Variants in SP100 observed in about 807,000 individuals in gnomAD.
SP100 encodes nuclear autoantigen Sp-100.
In SP100, 84 loss-of-function variants were observed where a neutral mutation model predicts 130.0. That is an observed-to-expected ratio of 0.65 (90% CI 0.54 to 0.77). SP100 has a LOEUF of 0.77. SP100 is among the 30% of genes least tolerant of loss of function. The probability of loss-of-function intolerance (pLI) is 0.00; values close to 1 mark genes in which losing one functional copy is unlikely to be tolerated. For synonymous variants in SP100, 331 were observed against 351.7 expected (o/e 0.94, Z 0.66); for missense variants, 978 against 1,052.2 (o/e 0.93, Z 0.97).
intron 17 of SP100, among the ~76,000 whole-genome samples, chr2:230,481,181 T>G (rs1289676688): frequency 1.3e-5 from 2 of 152,154 alleles, no homozygotes; most frequent in East Asian, 3.8e-4. Context: ...TCTTTAAATT[T>G]TATCAATATG....
chr2:230,515,564 G>A lies in SP100; in HGVS notation c.2094+4398G>A, dbSNP rs80321646. 3 of 1,598,250 alleles carry A rather than the reference G, an allele frequency of 1.9e-6. No individual in the cohort carries two copies. In the African/African-American group the frequency reaches 4.0e-5, roughly 21 times the overall value. On this transcript the variant is annotated intron_variant, in intron 24 of 28. Transcript: ENST00000340126. ...AAGAGAGTTGTCAAGGCTGAAAAAA[G>A]CAAGAAAAAGAAGGAAGAGGAAGAA...
intron 19 of SP100, among the ~76,000 whole-genome samples, chr2:230,499,664 C>G (rs1348213488): frequency 2.0e-5 from 3 of 150,936 alleles, no homozygotes; most frequent in Middle Eastern, 3.4e-3. Context: ...TCCACAAGGT[C>G]TGCACCAGAC....
chr2:230,452,690 T>G (rs1283065835), intron 8 of SP100, among the ~76,000 whole-genome samples: 2 of 152,198 alleles, frequency 1.3e-5, no homozygotes, highest in African/African-American at 4.8e-5. Context: ...TTGCAGTTAT[T>G]GTAAATTGGA....
chr2:230,508,820 T>C (rs1690335617), intron 23 of SP100: 1 of 152,090 alleles, frequency 6.6e-6, no homozygotes, highest in African/African-American at 2.4e-5. Flanking sequence ...CATGACCTAA[T>C]GGAGAATTCC....
rs751146881 is a variant in SP100 at position 230,417,586 on chromosome 2, T to A, written c.33-5T>A. On this transcript the variant is annotated splice_polypyrimidine_tract_variant and splice_region_variant and intron_variant, in intron 1 of 28. Transcript: ENST00000340126. ...TTACTTGGTCCTGCCAAATTGTCTT[T>A]CTAGGAGGCTGAATGAATGTATTTC... 5.6e-6 allele frequency: 9 copies of A among 1,611,316 alleles called. No individual in the cohort carries two copies. The highest frequency in any genetic ancestry group is 7.6e-6 in the Non-Finnish European group (9 of 1,179,208).
At position 230,418,595 on chromosome 2, in the gene SP100, C is replaced by CT. The variant is rs71691832; in HGVS notation, c.107+941dup. Among the ~76,000 whole-genome samples, 84 of 147,098 alleles carry CT rather than the reference C, an allele frequency of 5.7e-4. 1 individual carries two copies. Among genetic ancestry groups the CT allele is most frequent in the Middle Eastern group, 3.5e-3 (1 of 286 alleles). On this transcript the variant is annotated intron_variant, in intron 2 of 28. Coordinates refer to ENST00000340126, the MANE Select transcript of SP100 (RefSeq NM_001080391.2). ...GTCATAATCTGGATGAACTTTTTTT[C>CT]TTTTTTTTTTTAACATTCCCTGTTT...
intron 8 of SP100, among the ~76,000 whole-genome samples, chr2:230,452,722 C>T (rs1165944447): frequency 6.6e-6 from 1 of 151,228 alleles, no homozygotes; most frequent in Non-Finnish European, 1.5e-5. Flanking sequence ...ATATGTTTTT[C>T]AGAGAGTTTA....
intron 2 of SP100, among the ~76,000 whole-genome samples, chr2:230,422,555 C>A (rs940022175): frequency 7.2e-5 from 11 of 152,178 alleles, no homozygotes; most frequent in African/African-American, 2.7e-4. Flanking sequence ...AGCAAGTAAT[C>A]AAGATTTTTG....
At chr2:230,473,187 AAAG>A (rs2065360376) in intron 15 of SP100, 134 bp from the exon 16 acceptor site, 1 of 578,472 alleles carries the variant, frequency 1.7e-6, no homozygotes, top group Admixed American at 2.8e-5. Flanking sequence ...AGGAACCACA[AAAG>A]AAAAAGAGAT....
At chr2:230,533,667 C>T (rs1406237425) in intron 24 of SP100, among the ~76,000 whole-genome samples, 1 of 152,154 alleles carries the variant, frequency 6.6e-6, no homozygotes, top group Non-Finnish European at 1.5e-5. Flanking sequence ...TTCAATCTGT[C>T]TAGGCCAAGG....
In SP100 at chr2:230,542,845, T is replaced by C. The variant is rs576642055; in HGVS notation, c.2557T>C (p.Phe853Leu). 2 of 1,605,506 alleles carry C rather than the reference T, an allele frequency of 1.2e-6. No homozygotes were observed. The highest frequency in any genetic ancestry group is 1.7e-6 in the Non-Finnish European group (2 of 1,172,484). ...NHKEFYREDK[F>L]TRLGIQVQDI... ...TTCTTTGCTTTTTTAGGAAGATAAA[T>C]TCACCAGACTGGGAATTCAAGTACA... The change falls in exon 29 of 29, where the codon TTC becomes CTC. Residue 853 changes from phenylalanine to leucine, a missense_variant. Physicochemically the swap from Phe to Leu is conservative, Grantham distance 22. Coordinates refer to ENST00000340126, the MANE Select transcript of SP100 (RefSeq NM_001080391.2).
chr2:230,541,261 T>C, intron 26 of SP100, 40 bp from the exon 27 acceptor site: 1 of 1,581,620 alleles, frequency 6.3e-7, no homozygotes, highest in South Asian at 1.1e-5. Flanking sequence ...TCTTTCTCTC[T>C]AAATTGCATT....
intron 1 of SP100, chr2:230,416,840 C>T: frequency 2.0e-6 from 2 of 985,454 alleles, no homozygotes; most frequent in African/African-American, 1.7e-5. Context: ...CTTATTCCAT[C>T]AACCTTGATC....
chr2:230,513,126 C>T (rs962552799), intron 24 of SP100, among the ~76,000 whole-genome samples: 4 of 152,270 alleles, frequency 2.6e-5, no homozygotes, highest in Admixed American at 6.5e-5. Context: ...TGGTACAGGT[C>T]CTTATCCCGG....
intron 17 of SP100, among the ~76,000 whole-genome samples, chr2:230,479,099 G>A (rs961586580): frequency 2.0e-5 from 3 of 152,200 alleles, no homozygotes; most frequent in African/African-American, 7.2e-5. Flanking sequence ...GGGATTACAG[G>A]CGCGAGCCAC....
At chr2:230,540,079 G>T (rs73998857) in intron 25 of SP100, among the ~76,000 whole-genome samples, 4,559 of 152,256 alleles carry the variant, frequency 0.03, 224 homozygotes, top group African/African-American at 0.1. Flanking sequence ...ATAAACCTCT[G>T]CTTTTGACCA....
At chr2:230,436,904 ACGC>A (rs2063295293) in intron 2 of SP100, among the ~76,000 whole-genome samples, 4 of 66,462 alleles carry the variant, frequency 6.0e-5, no homozygotes, top group African/African-American at 2.5e-4. Context: ...GTATACACAC[ACGC>A]ATATATGTGT....
chr2:230,443,130 TA>T (rs781388468), intron 3 of SP100, 31 bp downstream of exon 3: 74 of 1,606,270 alleles, frequency 4.6e-5, no homozygotes, highest in Admixed American at 6.8e-5. Context: ...CACAATCTGG[TA>T]AAGCAGCCCC....
intron 22 of SP100, chr2:230,506,771 T>G (rs1690137032): frequency 4.5e-6 from 1 of 222,222 alleles, no homozygotes; most frequent in African/African-American, 2.6e-5. Context: ...TCGGGGGAGG[T>G]AAATGTTAAA....
Sources: allele counts gnomAD v4.1 joint callset (sites outside exome capture counted in the v4.1 genomes callset), GRCh38; gene constraint gnomAD v4.1.1; transcripts MANE v1.5; gene names NCBI Gene and HGNC (gene_info 2026-07-23, HGNC 2026-07-21).